Variants in ULK4 observed in about 807,000 individuals in gnomAD.
The protein encoded by ULK4 is unc-51 like kinase 4.
Under a neutral mutation model 160.6 loss-of-function variants are expected in ULK4, and 133 were observed. The observed-to-expected ratio is 0.83, with a 90% CI of 0.72 to 0.96. ULK4 has a LOEUF of 0.96. Among genes scored for constraint, ULK4 ranks in the 40% least tolerant of loss-of-function variants. ULK4 has a pLI of 0.00. For missense variants in ULK4, 1,580 were observed against 1,499.5 expected (o/e 1.05, Z -0.89); for synonymous variants, 534 against 539.8 (o/e 0.99, Z 0.15).
chr3:41,878,514 ACT>A (rs1197311250), intron 17 of ULK4, among the ~76,000 whole-genome samples: 11 of 152,204 alleles, frequency 7.2e-5, no homozygotes, highest in Non-Finnish European at 2.9e-5. Flanking sequence ...TGCAAAACAA[ACT>A]CTATTTTAAG....
intron 19 of ULK4, among the ~76,000 whole-genome samples, chr3:41,814,880 T>C (rs2040918928): frequency 6.6e-6 from 1 of 151,880 alleles, no homozygotes; most frequent in Admixed American, 6.6e-5. Context: ...TAGATGTCTT[T>C]TCATACTGTT....
intron 5 of ULK4, among the ~76,000 whole-genome samples, chr3:41,920,425 T>C (rs1479038122): frequency 1.3e-5 from 2 of 152,212 alleles, no homozygotes; most frequent in Non-Finnish European, 1.5e-5. Flanking sequence ...AAAAGCCCCA[T>C]TGTGTGCCCC....
At position 41,781,707 on chromosome 3, in the gene ULK4, G is replaced by C. The variant is rs188338675; in HGVS notation, c.2193+7954C>G. Among the ~76,000 whole-genome samples the C allele has an allele frequency of 8.9e-4, 136 of 152,358 alleles. 1 individual carries two copies. Among genetic ancestry groups the C allele is most frequent in the Non-Finnish European group, 1.7e-3 (113 of 68,036 alleles). ...TAATCCCAGCACTCTGGGAGGCTGA[G>C]GCGAGTGGATCACCTGAGGTCAGGA... is the stretch of plus-strand genomic sequence containing the variant. On this transcript the variant is annotated intron_variant, in intron 21 of 36. Coordinates refer to ENST00000301831, the MANE Select transcript of ULK4 (RefSeq NM_017886.4).
intron 17 of ULK4, among the ~76,000 whole-genome samples, chr3:41,874,418 T>C (rs1697223968): frequency 1.3e-5 from 2 of 152,200 alleles, no homozygotes; most frequent in African/African-American, 4.8e-5. Context: ...CTATAACCAA[T>C]TCAGTAGAAA....
At chr3:41,388,647 C>G (rs1383300827) in intron 35 of ULK4, among the ~76,000 whole-genome samples, 1 of 152,080 alleles carries the variant, frequency 6.6e-6, no homozygotes, top group Admixed American at 6.6e-5. Flanking sequence ...TTCCCCATTT[C>G]TTGTTTTTGT....
At chr3:41,270,345 T>C (rs1181070528) in intron 35 of ULK4, among the ~76,000 whole-genome samples, 1 of 152,178 alleles carries the variant, frequency 6.6e-6, no homozygotes, top group African/African-American at 2.4e-5. Flanking sequence ...AGCAAGCCCC[T>C]GACTGGCTCC....
At chr3:41,819,402 A>C in intron 19 of ULK4, 21 bp downstream of exon 19, 1 of 1,607,664 alleles carries the variant, frequency 6.2e-7, no homozygotes, top group Non-Finnish European at 8.5e-7. Flanking sequence ...GCATCTACAG[A>C]GGACAACAAA....
At chr3:41,496,023 A>G (rs142020909) in intron 32 of ULK4, among the ~76,000 whole-genome samples, 68 of 152,230 alleles carry the variant, frequency 4.5e-4, no homozygotes, top group African/African-American at 1.6e-3. Flanking sequence ...GTGAAATACA[A>G]CATTAACAAA....
In ULK4 at chr3:41,475,138, G is replaced by A. The variant is rs755924566; in HGVS notation, c.3227-11885C>T. Among the ~76,000 whole-genome samples, 58 of 152,206 alleles carry A rather than the reference G, an allele frequency of 3.8e-4. No individual in the cohort carries two copies. In the Middle Eastern group the frequency reaches 0.01, roughly 27 times the overall value. On this transcript the variant is annotated intron_variant, in intron 32 of 36. Transcript: ENST00000301831. ...GATAAAGAAAATGTGGTACATACACGCAATGGAATTTTATTCAGCCTTAAA... is the reference window on the plus strand; with the variant it reads ...GATAAAGAAAATGTGGTACATACACACAATGGAATTTTATTCAGCCTTAAA...
intron 2 of ULK4, among the ~76,000 whole-genome samples, chr3:41,949,133 C>A (rs942728590): frequency 5.3e-5 from 8 of 151,706 alleles, no homozygotes; most frequent in African/African-American, 1.9e-4. Context: ...ATGGTGAAAC[C>A]CCGTCTCTAC....
At chr3:41,442,072 C>T (rs2083183957) in intron 34 of ULK4, among the ~76,000 whole-genome samples, 1 of 152,118 alleles carries the variant, frequency 6.6e-6, no homozygotes, top group South Asian at 2.1e-4. Context: ...CTAAGATATG[C>T]TTCTTGTAAG....
At chr3:41,349,886 T>C (rs1200597535) in intron 35 of ULK4, among the ~76,000 whole-genome samples, 2 of 152,134 alleles carry the variant, frequency 1.3e-5, no homozygotes, top group Non-Finnish European at 2.9e-5. Context: ...AATATCACCA[T>C]AGCACCACTA....
At chr3:41,764,405 A>G (rs547566814) in intron 21 of ULK4, among the ~76,000 whole-genome samples, 16 of 152,182 alleles carry the variant, frequency 1.1e-4, no homozygotes, top group Non-Finnish European at 1.9e-4. Context: ...TTACAGTATA[A>G]CTTTTGAAAT....
chr3:41,711,354 G>A (rs545419189), intron 25 of ULK4, among the ~76,000 whole-genome samples: 2 of 152,286 alleles, frequency 1.3e-5, no homozygotes, highest in African/African-American at 4.8e-5. Flanking sequence ...TGGCTAGGGG[G>A]TGTGAAGCAG....
intron 35 of ULK4, among the ~76,000 whole-genome samples, chr3:41,368,545 C>A (rs1194818061): frequency 6.6e-6 from 1 of 152,190 alleles, no homozygotes; most frequent in African/African-American, 2.4e-5. Context: ...CTATAGCCTC[C>A]AGCAACCACA....
At chr3:41,640,555 C>T (rs1444727153) in intron 30 of ULK4, among the ~76,000 whole-genome samples, 1 of 152,052 alleles carries the variant, frequency 6.6e-6, no homozygotes, top group East Asian at 1.9e-4. Flanking sequence ...CATCCACTGC[C>T]CACCCCTCCT....
intron 19 of ULK4, among the ~76,000 whole-genome samples, chr3:41,802,689 C>T (rs1168797008): frequency 6.6e-6 from 1 of 151,974 alleles, no homozygotes; most frequent in Non-Finnish European, 1.5e-5. Flanking sequence ...AGTAGGAAGG[C>T]TAGAAGGAGA....
intron 19 of ULK4, 76 bp downstream of exon 19, chr3:41,819,347 G>A: frequency 5.7e-6 from 8 of 1,405,344 alleles, no homozygotes; most frequent in African/African-American, 4.3e-5. Context: ...CACTGCTGCA[G>A]GCTACAATCC....
intron 9 of ULK4, 102 bp from the exon 10 acceptor site, chr3:41,911,761 A>T (rs1698794658): frequency 2.3e-6 from 2 of 851,434 alleles, no homozygotes; most frequent in Non-Finnish European, 3.8e-6. Context: ...ATTACACATG[A>T]CATTTAGCAA....
Sources: gnomAD v4.1 joint callset for allele counts (sites outside exome capture counted in the v4.1 genomes callset) on GRCh38, gnomAD v4.1.1 for gene constraint, MANE v1.5 for transcripts, NCBI Gene and HGNC (gene_info 2026-07-23, HGNC 2026-07-21) for gene names.